Variants in RBM25 observed in about 807,000 individuals in gnomAD.
RBM25 encodes RNA-binding protein 25.
RBM25 carries 19 observed loss-of-function variants against 120.7 expected under a neutral mutation model. The ratio of observed to expected loss-of-function variants is 0.16; its 90% CI spans 0.11 to 0.23. RBM25 has a LOEUF of 0.23. Ranked by LOEUF, RBM25 falls within the 10% of genes least tolerant of loss-of-function variation. The pLI is 1.00. For missense variants in RBM25, 605 were observed against 1,041.5 expected (o/e 0.58, Z 5.77); for synonymous variants, 390 against 326.7 (o/e 1.19, Z -2.09).
chr14:73,064,685 G>A (rs1432885530), intron 1 of RBM25, among the ~76,000 whole-genome samples: 2 of 151,116 alleles, frequency 1.3e-5, no homozygotes, highest in African/African-American at 2.4e-5. Flanking sequence ...GAGCCACCGC[G>A]CCCAGGAGAG....
In RBM25 at chr14:73,078,377, A is replaced by G. The variant is rs191167982; in HGVS notation, c.324+841A>G. 2.2e-3 allele frequency among the ~76,000 whole-genome samples: 336 copies of G among 152,068 alleles called. 1 individual carries two copies. The highest frequency in any genetic ancestry group is 7.6e-3 in the African/African-American group (317 of 41,510). ...TGTGGTGATGCACGCCTGTAGTCCTAGCTGTTCAGAATCCGAGGTGGGAGA... is the reference window on the plus strand; with the variant it reads ...TGTGGTGATGCACGCCTGTAGTCCTGGCTGTTCAGAATCCGAGGTGGGAGA... On this transcript the variant is annotated intron_variant, in intron 4 of 18. Coordinates refer to ENST00000261973, the MANE Select transcript of RBM25 (RefSeq NM_021239.3).
chr14:73,108,543 C>T (rs890444617), intron 13 of RBM25, among the ~76,000 whole-genome samples: 3 of 152,218 alleles, frequency 2.0e-5, no homozygotes, highest in Non-Finnish European at 4.4e-5. Flanking sequence ...AAACTACTCT[C>T]ATTCTAGTAT....
intron 1 of RBM25, among the ~76,000 whole-genome samples, chr14:73,059,675 C>G (rs901361427): frequency 6.6e-6 from 1 of 152,104 alleles, no homozygotes; most frequent in Non-Finnish European, 1.5e-5. Flanking sequence ...GTCTTTGGAG[C>G]TTTTAATTTT....
rs375598029 is a variant in RBM25, at chr14:73,107,817, T to A, written c.1468-9T>A. ...GTTAATTTTATACATTGTCCTTATT[T>A]CCTCAAAGGCCAAAGAAGCTAAACG... On this transcript the variant is annotated splice_polypyrimidine_tract_variant and intron_variant, in intron 12 of 18. Transcript: ENST00000261973. 9.6e-6 allele frequency: 15 copies of A among 1,566,902 alleles called. No homozygotes were observed. In the Admixed American group the frequency reaches 2.7e-4, roughly 28 times the overall value.
chr14:73,087,396 C>A (rs373257464), intron 5 of RBM25, among the ~76,000 whole-genome samples: 17 of 136,774 alleles, frequency 1.2e-4, no homozygotes, highest in African/African-American at 4.6e-4. Flanking sequence ...TGACTCCTTT[C>A]TTTTTTTTTT....
At chr14:73,089,150 C>CA (rs1895753588) in intron 6 of RBM25, among the ~76,000 whole-genome samples, 1 of 150,244 alleles carries the variant, frequency 6.7e-6, no homozygotes, top group African/African-American at 2.4e-5. Flanking sequence ...TCCCTGCTGC[C>CA]AAAAAAGAAA....
At chr14:73,095,880 C>G (rs1311419704) in intron 6 of RBM25, among the ~76,000 whole-genome samples, 1 of 152,168 alleles carries the variant, frequency 6.6e-6, no homozygotes, top group Admixed American at 6.6e-5. Flanking sequence ...TCGTTAAAAA[C>G]TTTGGGGCAT....
At chr14:73,115,067 G>T (rs1026366883) in intron 18 of RBM25, among the ~76,000 whole-genome samples, 6 of 152,090 alleles carry the variant, frequency 3.9e-5, no homozygotes, top group African/African-American at 1.4e-4. Flanking sequence ...ATGTAGAAAG[G>T]ATAATGGAGG....
At chr14:73,119,322 G>A (rs1308013435) in intron 18 of RBM25, among the ~76,000 whole-genome samples, 2 of 151,844 alleles carry the variant, frequency 1.3e-5, no homozygotes, top group Non-Finnish European at 2.9e-5. Context: ...GCTCAGGCTG[G>A]AGTGCAGTGG....
At chr14:73,111,440 A>G in intron 15 of RBM25, 88 bp from the exon 16 acceptor site, 9 of 1,353,396 alleles carry the variant, frequency 6.6e-6, no homozygotes, top group Non-Finnish European at 9.1e-6. Context: ...GTGGAAGTAT[A>G]TTTTGCATTG....
Position 73,119,695 on chromosome 14 carries a change from GT to G in RBM25, c.2440-14del. On this transcript the variant is annotated splice_polypyrimidine_tract_variant and intron_variant, in intron 18 of 18. Coordinates refer to ENST00000261973, the MANE Select transcript of RBM25 (RefSeq NM_021239.3). ...GATTGCTTCTCTTACATGTGTTGCTGTTTTGTTTCCTCTTTAGGTACTTGAT... is the reference window on the plus strand; with the variant it reads ...GATTGCTTCTCTTACATGTGTTGCTGTTTGTTTCCTCTTTAGGTACTTGAT... 1 of 1,610,342 alleles carries G rather than the reference GT, an allele frequency of 6.2e-7. No individual in the cohort carries two copies. The highest frequency in any genetic ancestry group is 8.5e-7 in the Non-Finnish European group (1 of 1,179,070).
chr14:73,113,335 A>G (rs2140464309), intron 17 of RBM25, among the ~76,000 whole-genome samples: 1 of 151,882 alleles, frequency 6.6e-6, no homozygotes, highest in Non-Finnish European at 1.5e-5. Context: ...GATCTGCCCA[A>G]GTTGGCCTCC....
At chr14:73,059,022 C>T (rs774928584) in intron 1 of RBM25, among the ~76,000 whole-genome samples, 15 of 152,086 alleles carry the variant, frequency 9.9e-5, no homozygotes, top group Non-Finnish European at 1.9e-4. Flanking sequence ...CCCCTGGGCT[C>T]CACGTTAGAT....
chr14:73,114,166 A>T (rs1896374704), intron 17 of RBM25, 120 bp from the exon 18 acceptor site: 2 of 689,454 alleles, frequency 2.9e-6, no homozygotes, highest in African/African-American at 3.8e-5. Flanking sequence ...ACATTTATAG[A>T]ATGGTTCCTT....
In RBM25 at chr14:73,119,900, C is replaced by G. The variant is rs1348345785; in HGVS notation, c.*95C>G. On this transcript the variant is annotated 3_prime_UTR_variant, in exon 19 of 19. Coordinates refer to ENST00000261973, the MANE Select transcript of RBM25 (RefSeq NM_021239.3). ...TTTGTCTTTGAAGACATTGTGAGAT[C>G]TGTAATTTTTTTTTTTTGTAGAAAA... is the stretch of plus-strand genomic sequence containing the variant. The G allele has an allele frequency of 3.4e-6, 5 of 1,461,442 alleles. No individual in the cohort carries two copies. Among genetic ancestry groups the G allele is most frequent in the African/African-American group, 1.5e-5 (1 of 68,576 alleles). The allele number at this position is 1,461,442 out of a possible 1,614,324, so 90.5% of individuals were successfully genotyped here. A position where few individuals can be genotyped will look rare whatever the true frequency, so the allele number is the denominator to read the frequency against.
At chr14:73,061,265 C>G (rs1029165295) in intron 1 of RBM25, among the ~76,000 whole-genome samples, 1 of 150,972 alleles carries the variant, frequency 6.6e-6, no homozygotes, top group Non-Finnish European at 1.5e-5. Flanking sequence ...ACCATGTTGT[C>G]CAGGCTGGTC....
At chr14:73,078,610 A>G (rs180791308) in intron 4 of RBM25, among the ~76,000 whole-genome samples, 2 of 152,252 alleles carry the variant, frequency 1.3e-5, no homozygotes, top group African/African-American at 4.8e-5. Context: ...CCAATGAAAG[A>G]TTTTTATTTA....
chr14:73,097,213 T>A (rs1895965985), intron 7 of RBM25, 113 bp downstream of exon 7: 1 of 761,282 alleles, frequency 1.3e-6, no homozygotes, highest in South Asian at 3.7e-5. Flanking sequence ...TTTTTTTTTT[T>A]TTTTTGAGAT....
intron 2 of RBM25, among the ~76,000 whole-genome samples, chr14:73,072,108 A>G (rs888731581): frequency 3.3e-5 from 5 of 151,980 alleles, no homozygotes; most frequent in Non-Finnish European, 7.4e-5. Context: ...AGTAGCTGGG[A>G]TTGCACGCAC....
Sources: gnomAD v4.1 joint callset for allele counts (sites outside exome capture counted in the v4.1 genomes callset) on GRCh38, gnomAD v4.1.1 for gene constraint, MANE v1.5 for transcripts, NCBI Gene and HGNC (gene_info 2026-07-23, HGNC 2026-07-21) for gene names.